DENND1A: variants seen among roughly 807,000 people sequenced by gnomAD.
DENND1A encodes the protein DENN domain-containing protein 1A.
In DENND1A, 51 loss-of-function variants were observed where a neutral mutation model predicts 113.7. The observed-to-expected ratio is 0.45, with a 90% CI of 0.36 to 0.57. The LOEUF (loss-of-function observed/expected upper bound fraction) is 0.57. DENND1A is among the 20% of genes least tolerant of loss of function. The pLI, the probability that DENND1A is intolerant of heterozygous loss-of-function variation, is 0.00. For synonymous variants in DENND1A, 565 were observed against 570.8 expected (o/e 0.99, Z 0.14); for missense variants, 1,258 against 1,395.9 (o/e 0.90, Z 1.57).
intron 13 of DENND1A, among the ~76,000 whole-genome samples, chr9:123,537,524 T>A (rs1034003001): frequency 1.3e-5 from 2 of 151,964 alleles, no homozygotes; most frequent in Admixed American, 1.3e-4. Context: ...CAAAGTTAAT[T>A]CAAGAAAAGT....
At chr9:123,537,381 C>G (rs2055864856) in intron 13 of DENND1A, among the ~76,000 whole-genome samples, 1 of 151,180 alleles carries the variant, frequency 6.6e-6, no homozygotes, top group Non-Finnish European at 1.5e-5. Context: ...AATAACATCT[C>G]AATAATATAT....
intron 5 of DENND1A, among the ~76,000 whole-genome samples, chr9:123,706,850 A>G (rs552344751): frequency 6.6e-6 from 1 of 152,054 alleles, no homozygotes; most frequent in Non-Finnish European, 1.5e-5. Flanking sequence ...AAATGGAAAA[A>G]AATAGTATTG....
intron 3 of DENND1A, among the ~76,000 whole-genome samples, chr9:123,786,890 C>CT (rs1159709109): frequency 6.6e-6 from 1 of 151,828 alleles, no homozygotes; most frequent in African/African-American, 2.4e-5. Flanking sequence ...CCTGCGAGTA[C>CT]TGGAAGCATG....
intron 5 of DENND1A, among the ~76,000 whole-genome samples, chr9:123,710,444 A>C (rs1205485089): frequency 3.9e-5 from 6 of 152,042 alleles, no homozygotes; most frequent in Non-Finnish European, 7.4e-5. Context: ...CAAGGCTACC[A>C]CTCTAGAGAA....
chr9:123,663,698 A>G (rs1452811784), intron 8 of DENND1A, among the ~76,000 whole-genome samples: 4 of 151,962 alleles, frequency 2.6e-5, no homozygotes, highest in Non-Finnish European at 5.9e-5. Context: ...TTTTTTCTCT[A>G]TGTATCAGTA....
intron 19 of DENND1A, among the ~76,000 whole-genome samples, chr9:123,428,358 A>G (rs1236039869): frequency 6.6e-6 from 1 of 152,190 alleles, no homozygotes; most frequent in African/African-American, 2.4e-5. Flanking sequence ...ACATTCCTTC[A>G]TGTTAAAAAC....
intron 2 of DENND1A, chr9:123,843,270 G>C: frequency 2.2e-6 from 1 of 456,836 alleles, no homozygotes; most frequent in Admixed American, 2.7e-5. Flanking sequence ...AAGGTAACTT[G>C]ATTTTTGAAA....
intron 7 of DENND1A, among the ~76,000 whole-genome samples, chr9:123,670,292 C>T (rs1315681797): frequency 6.6e-6 from 1 of 151,992 alleles, no homozygotes; most frequent in African/African-American, 2.4e-5. Context: ...ATTTTCAGGC[C>T]CCATGACATA....
chr9:123,559,654 GA>G (rs1055781017), intron 12 of DENND1A, among the ~76,000 whole-genome samples: 1 of 152,146 alleles, frequency 6.6e-6, no homozygotes, highest in African/African-American at 2.4e-5. Context: ...CTTCTGATAA[GA>G]AAAACTTTTA....
chr9:123,733,505 T>G (rs2068334405), intron 5 of DENND1A, among the ~76,000 whole-genome samples: 1 of 152,164 alleles, frequency 6.6e-6, no homozygotes, highest in South Asian at 2.1e-4. Flanking sequence ...CAGGCTGGTC[T>G]CAAACTCCTG....
chr9:123,486,205 T>C (rs1015447029), intron 13 of DENND1A, among the ~76,000 whole-genome samples: 1 of 151,842 alleles, frequency 6.6e-6, no homozygotes, highest in Non-Finnish European at 1.5e-5. Flanking sequence ...TCAGTAAAAA[T>C]GGGGAGAGGC....
intron 3 of DENND1A, among the ~76,000 whole-genome samples, chr9:123,771,702 C>T (rs1220978813): frequency 6.6e-6 from 1 of 151,722 alleles, no homozygotes. Flanking sequence ...AATATAGAAA[C>T]TTCTTACCAC....
chr9:123,452,540 G>C (rs72755182), intron 16 of DENND1A, among the ~76,000 whole-genome samples, 193 bp from the exon 17 acceptor site: 3,214 of 124,026 alleles, frequency 0.026, 49 homozygotes, highest in Non-Finnish European at 0.039. Flanking sequence ...GGTGGGAGCT[G>C]TGGGTGGGTG....
rs571578671 is a variant in DENND1A, at chr9:123,626,424, G to A, written c.719+3952C>T. On this transcript the variant is annotated intron_variant, in intron 10 of 23. Transcript: ENST00000394215. ...GGATGTCACTCCAGGACTCTGTCTC[G>A]GGTGATGTGTGTCTCCTTTCTACCT... Among the ~76,000 whole-genome samples, 59 of 152,112 alleles carry A rather than the reference G, an allele frequency of 3.9e-4. 1 individual carries two copies. In the South Asian group the frequency reaches 7.1e-3, roughly 18 times the overall value.
chr9:123,598,288 G>A (rs1437575664), intron 11 of DENND1A, among the ~76,000 whole-genome samples: 2 of 152,112 alleles, frequency 1.3e-5, no homozygotes. Context: ...TCCAAATGGT[G>A]CTGAAACAAG....
intron 5 of DENND1A, among the ~76,000 whole-genome samples, chr9:123,755,278 A>G (rs1589951004): frequency 6.8e-6 from 1 of 147,298 alleles, no homozygotes; most frequent in Non-Finnish European, 1.5e-5. Context: ...ACCTGCCACC[A>G]CTCCGGCTAA....
intron 12 of DENND1A, among the ~76,000 whole-genome samples, chr9:123,559,103 G>A (rs1300440319): frequency 2.0e-5 from 3 of 152,186 alleles, no homozygotes; most frequent in African/African-American, 7.2e-5. Context: ...CAGCAAAGAG[G>A]GGTGAGCACC....
chr9:123,507,858 A>AT (rs1301361850), intron 13 of DENND1A, among the ~76,000 whole-genome samples: 1 of 151,922 alleles, frequency 6.6e-6, no homozygotes. Flanking sequence ...ATAAATAAAT[A>AT]TTTTTTGTCT....
intron 11 of DENND1A, among the ~76,000 whole-genome samples, chr9:123,595,205 G>T (rs1215235523): frequency 6.6e-6 from 1 of 152,164 alleles, no homozygotes; most frequent in Non-Finnish European, 1.5e-5. Context: ...GGGAAGTGGT[G>T]TAAGCACCTC....
Sources: gnomAD v4.1 joint callset for allele counts (sites outside exome capture counted in the v4.1 genomes callset) on GRCh38, gnomAD v4.1.1 for gene constraint, MANE v1.5 for transcripts, NCBI Gene and HGNC (gene_info 2026-07-23, HGNC 2026-07-21) for gene names.